CYRIA: variants seen among roughly 807,000 people sequenced by gnomAD.
CYRIA encodes CYFIP-related Rac1 interactor A.
In CYRIA, 15 loss-of-function variants were observed where a neutral mutation model predicts 43.9. The observed-to-expected ratio is 0.34, with a 90% CI of 0.23 to 0.53. The LOEUF (loss-of-function observed/expected upper bound fraction) is 0.53. Among genes scored for constraint, CYRIA ranks in the 20% least tolerant of loss-of-function variants. CYRIA has a pLI of 0.94. For synonymous variants in CYRIA, 117 were observed against 136.0 expected (o/e 0.86, Z 0.97); for missense variants, 236 against 394.2 (o/e 0.60, Z 3.40).
intron 4 of CYRIA, 55 bp from the exon 5 acceptor site, chr2:16,564,149 A>G: frequency 7.4e-7 from 1 of 1,353,996 alleles, no homozygotes; most frequent in Non-Finnish European, 1.0e-6. Context: ...GCTCCACATC[A>G]AAATGCCCTA....
chr2:16,563,972 T>G lies in CYRIA; in HGVS notation c.298+17A>C. Reference sequence around the variant, plus strand: ...AACTCCGTATGTGGGCCATGAAAACTACAAATACATACTCACCTAGTCTAA... The same window carrying G: ...AACTCCGTATGTGGGCCATGAAAACGACAAATACATACTCACCTAGTCTAA... On this transcript the variant is annotated intron_variant, in intron 5 of 11. Transcript: ENST00000381323. 6.3e-7 allele frequency: 1 copy of G among 1,589,272 alleles called. No individual in the cohort carries two copies. Among genetic ancestry groups the G allele is most frequent in the Non-Finnish European group, 8.6e-7 (1 of 1,159,364 alleles).
intron 3 of CYRIA, among the ~76,000 whole-genome samples, chr2:16,569,380 C>T (rs546673990): frequency 3.3e-5 from 5 of 152,270 alleles, no homozygotes; most frequent in South Asian, 2.1e-4. Flanking sequence ...TGGTGGGATG[C>T]GGTAGGAGAA....
At chr2:16,581,310 A>C (rs1028754388) in intron 3 of CYRIA, among the ~76,000 whole-genome samples, 7 of 152,216 alleles carry the variant, frequency 4.6e-5, no homozygotes, top group African/African-American at 1.7e-4. Flanking sequence ...ATTTTCTTAA[A>C]TAGATAAGCA....
intron 3 of CYRIA, among the ~76,000 whole-genome samples, chr2:16,586,620 G>A (rs1440291965): frequency 2.0e-5 from 3 of 146,858 alleles, no homozygotes; most frequent in Admixed American, 6.9e-5. Flanking sequence ...TCCTTTTCAA[G>A]TAGCTATTTA....
At chr2:16,616,366 C>G (rs1410101091) in intron 2 of CYRIA, among the ~76,000 whole-genome samples, 1 of 152,178 alleles carries the variant, frequency 6.6e-6, no homozygotes, top group Non-Finnish European at 1.5e-5. Context: ...TCCCACTATC[C>G]CATTCACAAT....
chr2:16,589,614 A>G (rs1270435784), intron 2 of CYRIA, among the ~76,000 whole-genome samples: 1 of 152,092 alleles, frequency 6.6e-6, no homozygotes, highest in Non-Finnish European at 1.5e-5. Flanking sequence ...AAAAGGATCT[A>G]TTTCATCAAG....
intron 1 of CYRIA, among the ~76,000 whole-genome samples, chr2:16,633,543 CTTTTTTTTTTTTTTT>C (rs755223919): frequency 7.6e-5 from 7 of 92,334 alleles, no homozygotes; most frequent in South Asian, 4.5e-4. Flanking sequence ...CTATCCCTGG[CTTTTTTTTTTTTTTT>C]TTTTTTTTTT....
intron 2 of CYRIA, among the ~76,000 whole-genome samples, chr2:16,616,394 C>G (rs1327081462): frequency 6.6e-6 from 1 of 152,216 alleles, no homozygotes; most frequent in African/African-American, 2.4e-5. Context: ...TTCCCTACGT[C>G]ACCCTTTGTC....
At chr2:16,665,296 A>G (rs1670359879) in intron 1 of CYRIA, among the ~76,000 whole-genome samples, 1 of 152,042 alleles carries the variant, frequency 6.6e-6, no homozygotes, top group African/African-American at 2.4e-5. Context: ...CTGGCTGGCT[A>G]AGAACGTCTG....
At chr2:16,611,278 T>C (rs528494710) in intron 2 of CYRIA, among the ~76,000 whole-genome samples, 1 of 151,988 alleles carries the variant, frequency 6.6e-6, no homozygotes, top group Admixed American at 6.5e-5. Context: ...GGCAGGAGAA[T>C]TGCCTGAACC....
At chr2:16,658,155 T>C (rs1222612096) in intron 1 of CYRIA, among the ~76,000 whole-genome samples, 1 of 152,148 alleles carries the variant, frequency 6.6e-6, no homozygotes, top group Non-Finnish European at 1.5e-5. Context: ...CTTGTTACAA[T>C]CTAGGAAATA....
chr2:16,593,415 A>G (rs149704010), intron 2 of CYRIA, among the ~76,000 whole-genome samples: 1,584 of 152,276 alleles, frequency 0.01, 23 homozygotes, highest in South Asian at 0.026. Flanking sequence ...TGGGGCAGAT[A>G]TATATTATTA....
rs536296936 is a variant in CYRIA, at chr2:16,561,857, A to G, written c.435+148T>C. 2.3e-4 allele frequency: 176 copies of G among 762,888 alleles called. No homozygotes were observed. In the African/African-American group the frequency reaches 2.5e-3, roughly 11 times the overall value. 47.3% of individuals were successfully genotyped at this position (762,888 alleles called of 1,614,324 possible). A position where few individuals can be genotyped will look rare whatever the true frequency, so the allele number is the denominator to read the frequency against. On this transcript the variant is annotated intron_variant, in intron 6 of 11. Transcript: ENST00000381323. ...ATTACTTTTACCACATGGAATGCAA[A>G]TTCTCACCACATTATATGTCTCTCT...
At chr2:16,575,546 T>G (rs1339955982) in intron 3 of CYRIA, among the ~76,000 whole-genome samples, 1 of 152,038 alleles carries the variant, frequency 6.6e-6, no homozygotes, top group Non-Finnish European at 1.5e-5. Context: ...TCTCACAAGA[T>G]CTGATGGTTT....
At chr2:16,600,567 A>T (rs1253568142) in intron 2 of CYRIA, among the ~76,000 whole-genome samples, 1 of 152,240 alleles carries the variant, frequency 6.6e-6, no homozygotes. Flanking sequence ...TAAACAATTT[A>T]ATCTATCTAG....
intron 1 of CYRIA, among the ~76,000 whole-genome samples, chr2:16,632,601 A>G (rs1174727705): frequency 6.6e-6 from 1 of 152,208 alleles, no homozygotes; most frequent in Non-Finnish European, 1.5e-5. Flanking sequence ...GTCATCCTTC[A>G]TCTTTGTGGG....
intron 1 of CYRIA, among the ~76,000 whole-genome samples, chr2:16,628,404 G>T (rs1350368377): frequency 2.0e-5 from 3 of 152,182 alleles, no homozygotes; most frequent in African/African-American, 4.8e-5. Flanking sequence ...AGCCGTGTGT[G>T]CTGTGAAATG....
At chr2:16,606,183 T>C (rs1668390100) in intron 2 of CYRIA, among the ~76,000 whole-genome samples, 1 of 152,056 alleles carries the variant, frequency 6.6e-6, no homozygotes, top group Admixed American at 6.6e-5. Context: ...CACTTTCCAC[T>C]CTTTCCAAAA....
intron 3 of CYRIA, among the ~76,000 whole-genome samples, chr2:16,573,557 T>A (rs1018827256): frequency 6.6e-6 from 1 of 152,226 alleles, no homozygotes; most frequent in Non-Finnish European, 1.5e-5. Context: ...TTTGGCTGTG[T>A]CCCCACCCAA....
Sources: gnomAD v4.1 joint callset for allele counts (sites outside exome capture counted in the v4.1 genomes callset) on GRCh38, gnomAD v4.1.1 for gene constraint, MANE v1.5 for transcripts, NCBI Gene and HGNC (gene_info 2026-07-23, HGNC 2026-07-21) for gene names.